TMEM217B: variants seen among roughly 807,000 people sequenced by gnomAD.
The protein encoded by TMEM217B is transmembrane protein 217B, also known as putative transmembrane protein 217B.
the TMEM217B span, among the ~76,000 whole-genome samples, chr6:37,248,853 T>C: frequency 6.6e-6 from 1 of 152,188 alleles, no homozygotes; most frequent in Admixed American, 6.5e-5. Context: ...CATAAAACAA[T>C]AGAAATTTGT....
At chr6:37,225,281 G>T in the TMEM217B span, among the ~76,000 whole-genome samples, 1 of 152,080 alleles carries the variant, frequency 6.6e-6, no homozygotes, top group African/African-American at 2.4e-5. Context: ...AAGTGCAAGG[G>T]GCAGGGATAG....
the TMEM217B span, among the ~76,000 whole-genome samples, chr6:37,231,279 A>G: frequency 1.6e-5 from 2 of 128,190 alleles, no homozygotes; most frequent in East Asian, 4.8e-4. Context: ...CACGTTGGCC[A>G]GGCTGGTCTT....
chr6:37,219,013 C>T, the TMEM217B span: 1 of 1,613,698 alleles, frequency 6.2e-7, no homozygotes, highest in Admixed American at 1.7e-5. Context: ...TCATCCCACA[C>T]CACTGCTGCT....
chr6:37,233,505 A>G, the TMEM217B span, among the ~76,000 whole-genome samples: 2 of 152,218 alleles, frequency 1.3e-5, no homozygotes, highest in Admixed American at 6.5e-5. Flanking sequence ...GTGGAAGGGC[A>G]AGAGGCAGCT....
chr6:37,219,135 G>T, the TMEM217B span: 1 of 1,141,252 alleles, frequency 8.8e-7, no homozygotes, highest in Non-Finnish European at 1.3e-6. Flanking sequence ...CTACTTTGGA[G>T]AAATATAGAC....
chr6:37,257,144 G>C, the TMEM217B span, among the ~76,000 whole-genome samples: 1 of 152,202 alleles, frequency 6.6e-6, no homozygotes, highest in African/African-American at 2.4e-5. Flanking sequence ...TACACTGTTA[G>C]CATAGTCAGA....
chr6:37,244,368 T>C, the TMEM217B span, among the ~76,000 whole-genome samples: 1 of 152,234 alleles, frequency 6.6e-6, no homozygotes, highest in Non-Finnish European at 1.5e-5. Flanking sequence ...AACTGTAAAC[T>C]TCTTTCACAT....
the TMEM217B span, among the ~76,000 whole-genome samples, chr6:37,235,679 A>G: frequency 6.6e-6 from 1 of 152,012 alleles, no homozygotes; most frequent in Non-Finnish European, 1.5e-5. Flanking sequence ...TGTATTTCTT[A>G]TGGTTCTGGA....
the TMEM217B span, among the ~76,000 whole-genome samples, chr6:37,216,610 G>A: frequency 6.6e-6 from 1 of 152,154 alleles, no homozygotes; most frequent in Admixed American, 6.5e-5. Flanking sequence ...GAGCACAGAG[G>A]CAGGAGAGCC....
At chr6:37,213,104 T>G in the TMEM217B span, 12 of 767,270 alleles carry the variant, frequency 1.6e-5, no homozygotes, top group East Asian at 2.7e-5. Flanking sequence ...AATGATGGTG[T>G]GTGGACAGGC....
the TMEM217B span, among the ~76,000 whole-genome samples, chr6:37,252,503 T>C: frequency 6.6e-6 from 1 of 151,720 alleles, no homozygotes; most frequent in South Asian, 2.1e-4. Flanking sequence ...TGTATGCATA[T>C]ATATATGCAC....
the TMEM217B span, chr6:37,218,161 G>C: frequency 8.6e-7 from 1 of 1,167,720 alleles, no homozygotes. Context: ...GGTGGATAAA[G>C]CTGCTAACTT....
chr6:37,241,266 CG>C, the TMEM217B span, among the ~76,000 whole-genome samples: 17 of 150,666 alleles, frequency 1.1e-4, no homozygotes, highest in Admixed American at 9.9e-4. Context: ...TTTTTAGAAA[CG>C]GGGTCTCACT....
chr6:37,234,735 C>CA, the TMEM217B span, among the ~76,000 whole-genome samples: 2 of 148,526 alleles, frequency 1.3e-5, no homozygotes, highest in African/African-American at 5.0e-5. Context: ...GACTCCATCT[C>CA]AAAAAAAAGA....
chr6:37,237,879 T>C, the TMEM217B span, among the ~76,000 whole-genome samples: 1 of 152,138 alleles, frequency 6.6e-6, no homozygotes, highest in Non-Finnish European at 1.5e-5. Context: ...TAAAACTGTA[T>C]GAAAAGCAAA....
the TMEM217B span, chr6:37,212,787 A>T: frequency 1.4e-6 from 1 of 720,406 alleles, no homozygotes; most frequent in South Asian, 1.5e-5. Context: ...GGGAGAGGCC[A>T]GTGCTGATAT....
the TMEM217B span, among the ~76,000 whole-genome samples, chr6:37,230,175 CCTT>C: frequency 6.6e-6 from 1 of 152,258 alleles, no homozygotes; most frequent in East Asian, 1.9e-4. Context: ...TCTGACTTCT[CCTT>C]CTGTCACAAT....
chr6:37,234,880 G>A, the TMEM217B span, among the ~76,000 whole-genome samples: 1 of 151,986 alleles, frequency 6.6e-6, no homozygotes, highest in Admixed American at 6.6e-5. Context: ...AGAAATGCTG[G>A]TTTTATTATA....
At chr6:37,257,054 C>T in the TMEM217B span, among the ~76,000 whole-genome samples, 3 of 152,134 alleles carry the variant, frequency 2.0e-5, no homozygotes, top group East Asian at 3.8e-4. Flanking sequence ...GTGATTCACA[C>T]GATGGAGCAA....
Sources: allele counts gnomAD v4.1 joint callset (sites outside exome capture counted in the v4.1 genomes callset), GRCh38; gene constraint gnomAD v4.1.1; transcripts MANE v1.5; gene names NCBI Gene and HGNC (gene_info 2026-07-23, HGNC 2026-07-21).